GSE1: variants seen among roughly 807,000 people sequenced by gnomAD.
GSE1 encodes the protein genetic suppressor element 1.
Under a neutral mutation model 112.6 loss-of-function variants are expected in GSE1, and 32 were observed. The ratio of observed to expected loss-of-function variants is 0.28; its 90% CI spans 0.21 to 0.38. The LOEUF is 0.38. Among genes scored for constraint, GSE1 ranks in the 10% least tolerant of loss-of-function variants. GSE1 has a pLI of 1.00. For missense variants in GSE1, 2,348 were observed against 1,699.2 expected (o/e 1.38, Z -6.71); for synonymous variants, 1,115 against 735.6 (o/e 1.52, Z -8.35).
intron 2 of GSE1, among the ~76,000 whole-genome samples, chr16:85,546,014 T>A (rs1449334608): frequency 6.6e-6 from 1 of 152,218 alleles, no homozygotes; most frequent in African/African-American, 2.4e-5. Context: ...CTCGATCTCC[T>A]GACCTCGTGA....
chr16:85,573,173 C>T (rs1448206840), intron 1 of GSE1, among the ~76,000 whole-genome samples: 1 of 152,254 alleles, frequency 6.6e-6, no homozygotes, highest in South Asian at 2.1e-4. Context: ...CCATCCCTTT[C>T]TTTTTTTAAA....
intron 8 of GSE1, among the ~76,000 whole-genome samples, chr16:85,658,744 C>T (rs990055549): frequency 6.6e-6 from 1 of 152,228 alleles, no homozygotes; most frequent in Non-Finnish European, 1.5e-5. Flanking sequence ...GGACTGAGGG[C>T]AGCCAGCTCC....
chr16:85,342,628 G>T (rs1331695168), intron 1 of GSE1, among the ~76,000 whole-genome samples: 1 of 152,156 alleles, frequency 6.6e-6, no homozygotes, highest in African/African-American at 2.4e-5. Context: ...GAGGTTCAAG[G>T]CGCACCAGGG....
intron 1 of GSE1, among the ~76,000 whole-genome samples, chr16:85,599,704 C>T (rs2047379750): frequency 6.6e-6 from 1 of 152,194 alleles, no homozygotes. Context: ...CAGGCCCTAC[C>T]CTCTCTTCCT....
At chr16:85,566,335 C>A (rs1385860861) in intron 1 of GSE1, among the ~76,000 whole-genome samples, 1 of 152,222 alleles carries the variant, frequency 6.6e-6, no homozygotes, top group Non-Finnish European at 1.5e-5. Flanking sequence ...TGTCCGCCAG[C>A]CCAGGCCACG....
intron 1 of GSE1, among the ~76,000 whole-genome samples, chr16:85,266,322 C>A (rs959628901): frequency 6.6e-6 from 1 of 152,134 alleles, no homozygotes; most frequent in Non-Finnish European, 1.5e-5. Flanking sequence ...AACTGAGGCC[C>A]GAGGAGTGAA....
intron 1 of GSE1, among the ~76,000 whole-genome samples, chr16:85,340,050 A>G (rs2046591495): frequency 3.3e-5 from 5 of 152,218 alleles, no homozygotes; most frequent in Non-Finnish European, 7.3e-5. Context: ...GGCTTTAGGT[A>G]CATTTCTGAA....
At chr16:85,454,784 C>G (rs1156867600) in intron 2 of GSE1, among the ~76,000 whole-genome samples, 1 of 152,140 alleles carries the variant, frequency 6.6e-6, no homozygotes, top group Non-Finnish European at 1.5e-5. Context: ...ATCATGCAGC[C>G]TTCTATGGGT....
chr16:85,672,836 C>T lies in GSE1; in HGVS notation c.*297C>T, dbSNP rs1183293391. 1.4e-5 allele frequency: 3 copies of T among 216,770 alleles called. No individual in the cohort carries two copies. The highest frequency in any genetic ancestry group is 5.2e-5 in the Admixed American group (1 of 19,148). 13.4% of individuals were successfully genotyped at this position (216,770 alleles called of 1,614,324 possible). A position where few individuals can be genotyped will look rare whatever the true frequency, so the allele number is the denominator to read the frequency against. ...TTATTTCTTAATCTGAACATGAAGG[C>T]TCCATTAGCAACACTAAAACTTGAT... On this transcript the variant is annotated 3_prime_UTR_variant, in exon 16 of 16. Coordinates refer to ENST00000253458, the MANE Select transcript of GSE1 (RefSeq NM_014615.5).
At position 85,634,050 on chromosome 16, in the gene GSE1, C is replaced by T. The variant is rs141419803; in HGVS notation, c.144C>T (p.Ser48=). The T allele has an allele frequency of 4.3e-4, 696 of 1,609,180 alleles. 2 individuals are homozygous for T. The highest frequency in any genetic ancestry group is 5.4e-4 in the Non-Finnish European group (633 of 1,177,968). The part of the protein sequence containing the change: ...LVPSGSPATS[S]ALSAQAAPSS... The stretch of plus-strand genomic sequence containing the variant: ...CCAGCGGCAGCCCCGCCACCAGCAG[C>T]GCGCTGTCGGCCCAGGCCGCGCCAT... Residue 48 remains serine, a synonymous_variant, in exon 2 of 16, where the codon AGC becomes AGT. Transcript: ENST00000253458.
intron 1 of GSE1, among the ~76,000 whole-genome samples, chr16:85,624,048 A>T (rs530097340): frequency 6.6e-6 from 1 of 152,118 alleles, no homozygotes; most frequent in East Asian, 1.9e-4. Flanking sequence ...CCTCCTCCAC[A>T]CTGGGGAGAG....
At chr16:85,592,057 C>T (rs2047024476) in intron 1 of GSE1, among the ~76,000 whole-genome samples, 1 of 152,236 alleles carries the variant, frequency 6.6e-6, no homozygotes, top group East Asian at 1.9e-4. Flanking sequence ...CCCCCCGCCC[C>T]CCGCTCCCGT....
At chr16:85,172,745 G>T (rs1006429346) in intron 1 of GSE1, among the ~76,000 whole-genome samples, 10 of 152,236 alleles carry the variant, frequency 6.6e-5, no homozygotes, top group African/African-American at 2.2e-4. Flanking sequence ...GGGACGTGTG[G>T]ATGGGAAAGG....
At chr16:85,440,206 G>A (rs746463991) in intron 2 of GSE1, among the ~76,000 whole-genome samples, 8 of 152,232 alleles carry the variant, frequency 5.3e-5, no homozygotes, top group Non-Finnish European at 1.0e-4. Context: ...GGGACCAGTG[G>A]GGTCTGGAGG....
intron 2 of GSE1, among the ~76,000 whole-genome samples, chr16:85,367,481 G>A (rs978679134): frequency 2.0e-5 from 3 of 152,246 alleles, no homozygotes; most frequent in Non-Finnish European, 4.4e-5. Flanking sequence ...TCCCGAATGA[G>A]CAGGTAAAGG....
chr16:85,433,712 T>C (rs1170345097), intron 2 of GSE1, among the ~76,000 whole-genome samples: 3 of 151,654 alleles, frequency 2.0e-5, no homozygotes, highest in African/African-American at 7.3e-5. Context: ...CCAGTGGATG[T>C]TGGATAGATG....
chr16:85,573,111 G>C (rs1201747256), intron 1 of GSE1, among the ~76,000 whole-genome samples: 1 of 152,166 alleles, frequency 6.6e-6, no homozygotes, highest in African/African-American at 2.4e-5. Context: ...TGATCCGCCC[G>C]CCTCGGCCTC....
intron 2 of GSE1, among the ~76,000 whole-genome samples, chr16:85,464,078 A>C (rs1164865716): frequency 6.6e-6 from 1 of 151,154 alleles, no homozygotes; most frequent in Non-Finnish European, 1.5e-5. Flanking sequence ...CAGCGGGGGG[A>C]CGACGCCATC....
intron 2 of GSE1, among the ~76,000 whole-genome samples, chr16:85,426,219 ATGGTAGATGGTGGGTGAATGAATG>A (rs2048984076): frequency 6.8e-6 from 1 of 146,132 alleles, no homozygotes; most frequent in African/African-American, 2.5e-5. Flanking sequence ...GGATGGATGG[ATGGTAGATGGTGGGTGAATGAATG>A]TGGATGGATG....
Sources: gnomAD v4.1 joint callset for allele counts (sites outside exome capture counted in the v4.1 genomes callset) on GRCh38, gnomAD v4.1.1 for gene constraint, MANE v1.5 for transcripts, NCBI Gene and HGNC (gene_info 2026-07-23, HGNC 2026-07-21) for gene names.